Variants in B9D2 observed in about 807,000 individuals in gnomAD.
The protein encoded by B9D2 is B9 domain-containing protein 2.
Under a neutral mutation model 19.2 loss-of-function variants are expected in B9D2, and 21 were observed. That is an observed-to-expected ratio of 1.09 (90% CI 0.78 to 1.58). B9D2 has a LOEUF of 1.58. Among genes scored for constraint, B9D2 ranks in the 40% most tolerant of loss-of-function variants. B9D2 has a pLI of 0.00. For missense variants in B9D2, 221 were observed against 244.3 expected (o/e 0.90, Z 0.64); for synonymous variants, 91 against 100.6 (o/e 0.90, Z 0.57).
chr19:41,354,761 GTGC>G lies in B9D2; in HGVS notation c.464_466del (p.Gly155_Thr156delinsAla), dbSNP rs1254409258. ...CAGCAGGCCGATCTCCAGGTGCACG[GTGC>G]CACCAGCAGCTGTGTGCAGGCGATA... On this transcript the variant is annotated inframe_deletion, in exon 4 of 4. Coordinates refer to ENST00000243578, the MANE Select transcript of B9D2 (RefSeq NM_030578.4). 11 of 1,613,924 alleles carry G rather than the reference GTGC, an allele frequency of 6.8e-6. No homozygotes were observed. Among genetic ancestry groups the G allele is most frequent in the Non-Finnish European group, 1.7e-6 (2 of 1,180,044 alleles).
chr19:41,363,616 A>T (rs1187452470), intron 1 of B9D2, 93 bp from the exon 2 acceptor site: 1 of 1,154,518 alleles, frequency 8.7e-7, no homozygotes, highest in Non-Finnish European at 1.3e-6. Context: ...AGTAAAGGGT[A>T]GTACTAGGAT....
chr19:41,362,851 A>G (rs566150078), intron 2 of B9D2: 19 of 155,118 alleles, frequency 1.2e-4, no homozygotes, highest in Admixed American at 7.0e-4. Context: ...TCCAATTAAT[A>G]GGTGGGGGAG....
rs1053043709 is a variant in B9D2, at chr19:41,358,080, G to A, written c.89-58C>T. ...AGGCAGCCATCGGGAAGGGGATGCC[G>A]CTGTGGCTATAGGACTGTTTCTCTG... On this transcript the variant is annotated intron_variant, in intron 2 of 3. Coordinates refer to ENST00000243578, the MANE Select transcript of B9D2 (RefSeq NM_030578.4). 87 of 1,608,436 alleles carry A rather than the reference G, an allele frequency of 5.4e-5. 1 individual carries two copies. Among genetic ancestry groups the A allele is most frequent in the Admixed American group, 5.0e-4 (30 of 59,892 alleles).
intron 2 of B9D2, among the ~76,000 whole-genome samples, chr19:41,360,800 C>T (rs1279777041): frequency 2.6e-5 from 4 of 152,290 alleles, no homozygotes; most frequent in East Asian, 1.9e-4. Flanking sequence ...TGAGCCACCG[C>T]GCCTGGCCTG....
chr19:41,363,601 C>T, intron 1 of B9D2, 78 bp from the exon 2 acceptor site: 1 of 1,337,236 alleles, frequency 7.5e-7, no homozygotes, highest in East Asian at 2.4e-5. Context: ...AACTGAGGCC[C>T]AGCAAGTAAA....
chr19:41,361,465 A>C (rs555438987), intron 2 of B9D2, among the ~76,000 whole-genome samples: 106 of 152,154 alleles, frequency 7.0e-4, no homozygotes, highest in African/African-American at 2.4e-3. Context: ...GGGAATTTCA[A>C]CTTCCACCTC....
chr19:41,359,043 G>A (rs2038361692), intron 2 of B9D2, among the ~76,000 whole-genome samples: 1 of 151,948 alleles, frequency 6.6e-6, no homozygotes, highest in Non-Finnish European at 1.5e-5. Flanking sequence ...TACTCGGGAG[G>A]CTGAGGCACG....
At chr19:41,362,261 G>A (rs1308946598) in intron 2 of B9D2, among the ~76,000 whole-genome samples, 1 of 150,196 alleles carries the variant, frequency 6.7e-6, no homozygotes, top group Non-Finnish European at 1.5e-5. Context: ...ATGGTGGCGA[G>A]CGCCTGTAGT....
rs184348668 is a variant in B9D2, at chr19:41,354,704, C to T, written c.524G>A (p.Cys175Tyr). The T allele has an allele frequency of 1.1e-4, 177 of 1,614,048 alleles. No individual in the cohort carries two copies. The highest frequency in any genetic ancestry group is 5.5e-5 in the Non-Finnish European group (65 of 1,180,016). Residue 175 changes from cysteine to tyrosine, a missense_variant, in exon 4 of 4, where the codon TGC becomes TAC. Transcript: ENST00000243578. ...LRNFDRYGVE[C>Y] Reference sequence around the variant, plus strand: ...TGACGTTGGAGGCAGAGTCCCTCAGCACTCCACGCCGTAGCGGTCGAAGTT... The same window carrying T: ...TGACGTTGGAGGCAGAGTCCCTCAGTACTCCACGCCGTAGCGGTCGAAGTT...
rs1281682415 is a variant in B9D2, at chr19:41,359,839, C to T, written c.89-1817G>A. 2.0e-5 allele frequency among the ~76,000 whole-genome samples: 3 copies of T among 152,206 alleles called. No individual in the cohort carries two copies. In the East Asian group the frequency reaches 5.8e-4, roughly 29 times the overall value. Reference sequence around the variant, plus strand: ...AATCCCCTCCTCACCCCCCAGTTTACAGACCCTCCACCATGGCCCACGTGG... The same window carrying T: ...AATCCCCTCCTCACCCCCCAGTTTATAGACCCTCCACCATGGCCCACGTGG... On this transcript the variant is annotated intron_variant, in intron 2 of 3. Coordinates refer to ENST00000243578, the MANE Select transcript of B9D2 (RefSeq NM_030578.4).
chr19:41,354,767 C>A lies in B9D2; in HGVS notation c.461G>T (p.Gly154Val), dbSNP rs762782341. The change falls in exon 4 of 4, where the codon GGT becomes GTT. Residue 154 changes from glycine to valine, a missense_variant. By Grantham distance (109) the Gly-to-Val change is moderately radical (BLOSUM62 -3). Coordinates refer to ENST00000243578, the MANE Select transcript of B9D2 (RefSeq NM_030578.4). ...GCCGATCTCCAGGTGCACGGTGCCA[C>A]CAGCAGCTGTGTGCAGGCGATAGCG... ...ADRYRLHTAA[G>V]GTVHLEIGLL... 2.5e-6 allele frequency: 4 copies of A among 1,614,080 alleles called. No homozygotes were observed. In the South Asian group the frequency reaches 4.4e-5, roughly 18 times the overall value.
intron 2 of B9D2, among the ~76,000 whole-genome samples, chr19:41,362,260 A>C (rs1365523270): frequency 6.7e-6 from 1 of 148,658 alleles, no homozygotes; most frequent in Non-Finnish European, 1.5e-5. Flanking sequence ...CATGGTGGCG[A>C]GCGCCTGTAG....
chr19:41,354,766 A>G lies in B9D2; in HGVS notation c.462T>C (p.Gly154=). 1 of 1,614,054 alleles carries G rather than the reference A, an allele frequency of 6.2e-7. No individual in the cohort carries two copies. The highest frequency in any genetic ancestry group is 1.3e-5 in the African/African-American group (1 of 75,064). ...GGCCGATCTCCAGGTGCACGGTGCC[A>G]CCAGCAGCTGTGTGCAGGCGATAGC... The part of the protein sequence containing the change: ...ADRYRLHTAA[G]GTVHLEIGLL... The change falls in exon 4 of 4, where the codon GGT becomes GGC. Residue 154 remains glycine (G), a synonymous_variant. Transcript: ENST00000243578.
chr19:41,354,942 A>G lies in B9D2; in HGVS notation c.286T>C (p.Phe96Leu). The G allele has an allele frequency of 6.2e-7, 1 of 1,612,798 alleles. No individual in the cohort carries two copies. The highest frequency in any genetic ancestry group is 1.3e-5 in the African/African-American group (1 of 75,022). The change falls in exon 4 of 4, where the codon TTT becomes CTT. Residue 96 changes from phenylalanine to leucine, a missense_variant. Coordinates refer to ENST00000243578, the MANE Select transcript of B9D2 (RefSeq NM_030578.4). ...CCCGGGCTACTGGGCACATGGCAAA[A>G]TCCATAGCCTGCAAGCTGGCAGCGG... ...FGRCQLAGYG[F>L]CHVPSSPGTH...
chr19:41,362,211 A>T (rs1189197994), intron 2 of B9D2, among the ~76,000 whole-genome samples: 4 of 148,264 alleles, frequency 2.7e-5, no homozygotes, highest in African/African-American at 1.0e-4. Context: ...GTGAAACCCC[A>T]TCTCTACTAA....
intron 3 of B9D2, among the ~76,000 whole-genome samples, chr19:41,357,254 G>C (rs1480801279): frequency 1.3e-5 from 2 of 152,148 alleles, no homozygotes; most frequent in African/African-American, 4.8e-5. Context: ...CTGGAGAGAG[G>C]TGTGTCCCCC....
Position 41,354,950 on chromosome 19 carries a change from C to T in B9D2, c.278G>A (p.Gly93Asp), listed in dbSNP as rs752246004. The change falls in exon 4 of 4, where the codon GGC becomes GAC. Residue 93 changes from glycine (G) to aspartate (D), a missense_variant. Transcript: ENST00000243578. Reference protein sequence around the residue: ...QDSFGRCQLAGYGFCHVPSSP... With the variant: ...QDSFGRCQLADYGFCHVPSSP... ...ACTGGGCACATGGCAAAATCCATAG[C>T]CTGCAAGCTGGCAGCGGCCAAAGCT... The T allele has an allele frequency of 3.1e-6, 5 of 1,612,232 alleles. No individual in the cohort carries two copies. The highest frequency in any genetic ancestry group is 4.2e-6 in the Non-Finnish European group (5 of 1,179,168).
intron 2 of B9D2, chr19:41,363,101 C>T (rs1393348667): frequency 3.2e-6 from 1 of 316,994 alleles, no homozygotes; most frequent in Admixed American, 4.4e-5. Flanking sequence ...AAAAAATTAG[C>T]CAGATTTGGT....
rs779310603 is a variant in B9D2 at position 41,363,953 on chromosome 19, C to T, written c.-5+5G>A. The T allele has an allele frequency of 9.4e-6, 3 of 320,122 alleles. No individual in the cohort carries two copies. Among genetic ancestry groups the T allele is most frequent in the Non-Finnish European group, 1.8e-5 (3 of 167,522 alleles). The allele number at this position is 320,122 out of a possible 1,614,324, so 19.8% of individuals were successfully genotyped here. A position where few individuals can be genotyped will look rare whatever the true frequency, so the allele number is the denominator to read the frequency against. On this transcript the variant is annotated splice_donor_5th_base_variant and intron_variant, in intron 1 of 3. Coordinates refer to ENST00000243578, the MANE Select transcript of B9D2 (RefSeq NM_030578.4). ...CTCTAAGCGCAGCGCATGCGTCATT[C>T]CTACCTTAGCGCACTTAACGGTTAG...
Sources: allele counts gnomAD v4.1 joint callset (sites outside exome capture counted in the v4.1 genomes callset), GRCh38; gene constraint gnomAD v4.1.1; transcripts MANE v1.5; gene names NCBI Gene and HGNC (gene_info 2026-07-23, HGNC 2026-07-21).